Variants in HS6ST3 observed in about 807,000 individuals in gnomAD.
HS6ST3 encodes the protein heparan-sulfate 6-O-sulfotransferase 3.
HS6ST3 carries 12 observed loss-of-function variants against 36.7 expected under a neutral mutation model. The ratio of observed to expected loss-of-function variants is 0.33; its 90% CI spans 0.21 to 0.53. The LOEUF (loss-of-function observed/expected upper bound fraction) is 0.53, where lower values mean the gene tolerates loss of function less well. Among genes scored for constraint, HS6ST3 ranks in the 20% least tolerant of loss-of-function variants. The pLI, the probability that HS6ST3 is intolerant of heterozygous loss-of-function variation, is 0.95. For synonymous variants in HS6ST3, 240 were observed against 257.5 expected (o/e 0.93, Z 0.65); for missense variants, 584 against 640.9 (o/e 0.91, Z 0.96).
intron 1 of HS6ST3, among the ~76,000 whole-genome samples, chr13:96,695,840 C>T (rs747967626): frequency 6.6e-6 from 1 of 152,140 alleles, no homozygotes; most frequent in South Asian, 2.1e-4. Flanking sequence ...ACCATATTAA[C>T]AGCAGTAATG....
chr13:96,316,334 A>G (rs551123065), intron 1 of HS6ST3, among the ~76,000 whole-genome samples: 2 of 151,446 alleles, frequency 1.3e-5, no homozygotes, highest in Admixed American at 6.6e-5. Context: ...CTGTATGTAA[A>G]AGTCTCATTT....
In HS6ST3 at chr13:96,796,535, G is replaced by A. The variant is rs182398234; in HGVS notation, c.708-35955G>A. Among the ~76,000 whole-genome samples the A allele has an allele frequency of 1.3e-3, 195 of 152,182 alleles. 1 individual carries two copies. The highest frequency in any genetic ancestry group is 4.6e-3 in the African/African-American group (192 of 41,552). On this transcript the variant is annotated intron_variant, in intron 1 of 1. Transcript: ENST00000376705. ...ATTTTTGGAATGTCTGTGATGATTGGCTGAGAGAAAATTTAATACAGTGAA... is the reference window on the plus strand; with the variant it reads ...ATTTTTGGAATGTCTGTGATGATTGACTGAGAGAAAATTTAATACAGTGAA...
chr13:96,168,297 T>C (rs1286268777), intron 1 of HS6ST3, among the ~76,000 whole-genome samples: 2 of 152,202 alleles, frequency 1.3e-5, no homozygotes, highest in African/African-American at 4.8e-5. Context: ...ACGAGTCCTT[T>C]CCTGAATGTT....
At position 96,317,326 on chromosome 13, in the gene HS6ST3, TTATATATATATA is replaced by T. The variant is rs537839404; in HGVS notation, c.707+225788_707+225799del. Among the ~76,000 whole-genome samples, 460 of 96,910 alleles carry T rather than the reference TTATATATATATA, an allele frequency of 4.7e-3. 8 individuals carry two copies. The highest frequency in any genetic ancestry group is 0.016 in the African/African-American group (432 of 27,380). 63.6% of individuals were successfully genotyped at this position (96,910 alleles called of 152,430 possible). A position where few individuals can be genotyped will look rare whatever the true frequency, so the allele number is the denominator to read the frequency against. Reference sequence around the variant, plus strand: ...CTTTTTATGGCTGTGTAGTATTCCATTATATATATATATATATATATATATATATATATATAT... The same window carrying T: ...CTTTTTATGGCTGTGTAGTATTCCATTATATATATATATATATATATATAT... On this transcript the variant is annotated intron_variant, in intron 1 of 1. Transcript: ENST00000376705.
intron 1 of HS6ST3, among the ~76,000 whole-genome samples, chr13:96,459,614 T>A (rs2055772811): frequency 6.6e-6 from 1 of 152,224 alleles, no homozygotes; most frequent in Non-Finnish European, 1.5e-5. Flanking sequence ...TGTTAATTCC[T>A]ACATATTCAT....
intron 1 of HS6ST3, among the ~76,000 whole-genome samples, chr13:96,549,375 T>G (rs955030518): frequency 2.0e-5 from 3 of 152,156 alleles, no homozygotes; most frequent in Non-Finnish European, 2.9e-5. Flanking sequence ...GAAGAAATGG[T>G]GGCATGAGGT....
chr13:96,259,553 A>T (rs1445814376), intron 1 of HS6ST3, among the ~76,000 whole-genome samples: 1 of 152,204 alleles, frequency 6.6e-6, no homozygotes, highest in Admixed American at 6.5e-5. Flanking sequence ...GCAATTCTTC[A>T]ATATTTGAAG....
intron 1 of HS6ST3, among the ~76,000 whole-genome samples, chr13:96,175,903 C>T (rs1331013691): frequency 3.3e-5 from 5 of 151,954 alleles, no homozygotes; most frequent in Admixed American, 2.0e-4. Context: ...GGTGCAATCT[C>T]AGCTCACTGC....
At chr13:96,735,100 G>T (rs1382291692) in intron 1 of HS6ST3, among the ~76,000 whole-genome samples, 1 of 152,052 alleles carries the variant, frequency 6.6e-6, no homozygotes. Context: ...AAGTCATCAG[G>T]CTTTCAGCTG....
intron 1 of HS6ST3, among the ~76,000 whole-genome samples, chr13:96,543,160 G>A (rs978214212): frequency 7.2e-5 from 11 of 152,082 alleles, no homozygotes; most frequent in Admixed American, 3.9e-4. Flanking sequence ...CCTATCTCCC[G>A]TACAGATTAT....
intron 1 of HS6ST3, among the ~76,000 whole-genome samples, chr13:96,174,953 A>G (rs991412835): frequency 2.0e-5 from 3 of 152,198 alleles, no homozygotes; most frequent in African/African-American, 7.2e-5. Flanking sequence ...TGTAGACACA[A>G]TGAAGATAAG....
intron 1 of HS6ST3, among the ~76,000 whole-genome samples, chr13:96,536,596 G>T (rs549460673): frequency 6.6e-6 from 1 of 152,262 alleles, no homozygotes; most frequent in African/African-American, 2.4e-5. Flanking sequence ...TCTATCTGTG[G>T]TTGGAGAGAG....
intron 1 of HS6ST3, among the ~76,000 whole-genome samples, chr13:96,528,761 TA>T (rs1177426965): frequency 6.6e-6 from 1 of 152,180 alleles, no homozygotes; most frequent in Non-Finnish European, 1.5e-5. Context: ...AAAATACTAC[TA>T]AGATATCCCT....
chr13:96,424,580 T>G (rs2055577191), intron 1 of HS6ST3, among the ~76,000 whole-genome samples: 1 of 152,148 alleles, frequency 6.6e-6, no homozygotes. Flanking sequence ...AAGATGGAGG[T>G]GCTGATAGGT....
chr13:96,794,704 G>T (rs1200410222), intron 1 of HS6ST3, among the ~76,000 whole-genome samples: 3 of 151,982 alleles, frequency 2.0e-5, no homozygotes, highest in Non-Finnish European at 2.9e-5. Flanking sequence ...AGGTTACATT[G>T]TGTCAGGTTT....
At chr13:96,689,947 T>C (rs1020398666) in intron 1 of HS6ST3, among the ~76,000 whole-genome samples, 1 of 151,926 alleles carries the variant, frequency 6.6e-6, no homozygotes, top group Non-Finnish European at 1.5e-5. Context: ...GTAGGAAAAA[T>C]TGGCCTGTTT....
chr13:96,213,641 A>G (rs1594718742), intron 1 of HS6ST3, among the ~76,000 whole-genome samples: 1 of 152,060 alleles, frequency 6.6e-6, no homozygotes, highest in East Asian at 1.9e-4. Context: ...ATGGTGAACC[A>G]CATTAACAGT....
rs375330896 is a variant in HS6ST3, at chr13:96,293,955, G to A, written c.707+202386G>A. On this transcript the variant is annotated intron_variant, in intron 1 of 1. Transcript: ENST00000376705. ...TCAAGAGTCTCACAGTTGCATGGTG[G>A]TGGCAGTATCTTTAAATTGTAATTT... 4.6e-5 allele frequency among the ~76,000 whole-genome samples: 7 copies of A among 152,224 alleles called. No homozygotes were observed. In the East Asian group the frequency reaches 7.7e-4, roughly 17 times the overall value.
chr13:96,453,210 A>G (rs1594783567), intron 1 of HS6ST3, among the ~76,000 whole-genome samples: 1 of 151,834 alleles, frequency 6.6e-6, no homozygotes, highest in East Asian at 1.9e-4. Context: ...AAAAAGATTT[A>G]GAGAGTACGA....
Sources: gnomAD v4.1 joint callset for allele counts (sites outside exome capture counted in the v4.1 genomes callset) on GRCh38, gnomAD v4.1.1 for gene constraint, MANE v1.5 for transcripts, NCBI Gene and HGNC (gene_info 2026-07-23, HGNC 2026-07-21) for gene names.